The following AK5 variants were observed in gnomAD, a reference collection of about 807,000 sequenced individuals.
The protein encoded by AK5 is adenylate kinase 5.
Under a neutral mutation model 69.5 loss-of-function variants are expected in AK5, and 27 were observed. The ratio of observed to expected loss-of-function variants is 0.39; its 90% CI spans 0.29 to 0.54. AK5 has a LOEUF of 0.54. AK5 is among the 20% of genes least tolerant of loss of function. The pLI is 0.71. For synonymous variants in AK5, 260 were observed against 244.4 expected, an observed-to-expected ratio of 1.06 and a Z score of -0.60; for missense variants, 531 against 700.4, an observed-to-expected ratio of 0.76 and a Z score of 2.73.
chr1:77,299,947 T>G (rs571534381), intron 5 of AK5, among the ~76,000 whole-genome samples: 18 of 152,296 alleles, frequency 1.2e-4, no homozygotes, highest in Admixed American at 6.5e-4. Flanking sequence ...TTAAAAAACA[T>G]TAACAAAATA....
At chr1:77,538,092 C>T (rs949911786) in intron 13 of AK5, among the ~76,000 whole-genome samples, 3 of 152,144 alleles carry the variant, frequency 2.0e-5, no homozygotes, top group Non-Finnish European at 2.9e-5. Flanking sequence ...TATCCCAGTT[C>T]TTTGGGAGGC....
intron 6 of AK5, among the ~76,000 whole-genome samples, chr1:77,363,911 A>G (rs1201776939): frequency 6.6e-6 from 1 of 151,994 alleles, no homozygotes; most frequent in African/African-American, 2.4e-5. Flanking sequence ...CATTTCATTT[A>G]TGTTATTCTT....
In AK5 at chr1:77,297,674, T is replaced by C. The variant is rs1175024831; in HGVS notation, c.531T>C (p.Asn177=). The C allele has an allele frequency of 2.5e-5, 40 of 1,613,826 alleles. No individual in the cohort carries two copies. The highest frequency in any genetic ancestry group is 3.3e-5 in the Non-Finnish European group (39 of 1,179,954). Reference sequence around the variant, plus strand: ...AGAAGATCCACAGTACCAGCAGCAATAGGAAATGGAGTCTTATTGCCAAGA... The same window carrying C: ...AGAAGATCCACAGTACCAGCAGCAACAGGAAATGGAGTCTTATTGCCAAGA... ...LRKKIHSTSS[N]RKWSLIAKII... is the part of the protein sequence containing the mutation. Residue 177 remains asparagine, a synonymous_variant, in exon 4 of 14, where the codon AAT becomes AAC. Coordinates refer to ENST00000354567, the MANE Select transcript of AK5 (RefSeq NM_174858.3).
Position 77,302,215 on chromosome 1 carries a change from TAA to T in AK5, c.699+4277_699+4278del, listed in dbSNP as rs11305805. ...CAACTGGCTGAGACCTATTTTAAGTTAAAAAAAAAATGCCTTTTTTTGGCTAG... is the reference window on the plus strand; with the variant it reads ...CAACTGGCTGAGACCTATTTTAAGTTAAAAAAAATGCCTTTTTTTGGCTAG... On this transcript the variant is annotated intron_variant, in intron 5 of 13. Transcript: ENST00000354567. 1.5e-3 allele frequency among the ~76,000 whole-genome samples: 229 copies of T among 151,258 alleles called. 2 individuals carry two copies. In the South Asian group the frequency reaches 0.019, roughly 12 times the overall value.
intron 6 of AK5, among the ~76,000 whole-genome samples, chr1:77,395,963 A>T (rs1177617084): frequency 6.6e-6 from 1 of 152,194 alleles, no homozygotes; most frequent in Non-Finnish European, 1.5e-5. Flanking sequence ...ACTCAACAGG[A>T]TCAACATTAG....
rs1178618571 is a variant in AK5, at chr1:77,497,493, A to G, written c.1147+11141A>G. Among the ~76,000 whole-genome samples, 7 of 152,228 alleles carry G rather than the reference A, an allele frequency of 4.6e-5. No homozygotes were observed. The East Asian group carries it at 1.3e-3, about 29-fold the overall frequency. ...TTCATTCTTGAAGTCAGTGAGACCA[A>G]GAACCCACTGGAAGGAACCAATTCC... On this transcript the variant is annotated intron_variant, in intron 10 of 13. Transcript: ENST00000354567.
intron 6 of AK5, among the ~76,000 whole-genome samples, chr1:77,391,555 A>G (rs1401029765): frequency 2.1e-5 from 3 of 143,242 alleles, no homozygotes; most frequent in Non-Finnish European, 4.5e-5. Flanking sequence ...TGCAGTATCT[A>G]TCCATCCCAA....
intron 13 of AK5, among the ~76,000 whole-genome samples, chr1:77,550,811 A>G (rs1659786074): frequency 6.6e-6 from 1 of 152,230 alleles, no homozygotes; most frequent in Non-Finnish European, 1.5e-5. Context: ...GTAGAATGAA[A>G]GGAGAAATTT....
intron 10 of AK5, among the ~76,000 whole-genome samples, chr1:77,504,424 T>C (rs1469537456): frequency 1.7e-5 from 2 of 118,110 alleles, no homozygotes; most frequent in African/African-American, 6.1e-5. Flanking sequence ...TCTTAGTTTT[T>C]TTCTGTGTAT....
At chr1:77,312,201 T>C (rs1659996537) in intron 5 of AK5, among the ~76,000 whole-genome samples, 1 of 152,134 alleles carries the variant, frequency 6.6e-6, no homozygotes, top group South Asian at 2.1e-4. Flanking sequence ...CAATCCCGTC[T>C]CTAAATTAGC....
intron 5 of AK5, chr1:77,313,822 C>G (rs1287313254): frequency 1.3e-5 from 7 of 533,004 alleles, no homozygotes; most frequent in Non-Finnish European, 1.5e-5. Flanking sequence ...GACAAAGATG[C>G]CTGTGCAGTC....
At chr1:77,379,715 A>G (rs1401796209) in intron 6 of AK5, among the ~76,000 whole-genome samples, 1 of 152,238 alleles carries the variant, frequency 6.6e-6, no homozygotes, top group Non-Finnish European at 1.5e-5. Flanking sequence ...TGAAAGTAAA[A>G]TAAATGTAAG....
rs894578548 is a variant in AK5, at chr1:77,353,057, TA to T, written c.891+12497del. Among the ~76,000 whole-genome samples, 308 of 152,146 alleles carry T rather than the reference TA, an allele frequency of 2.0e-3. 4 individuals carry two copies. Among genetic ancestry groups the T allele is most frequent in the Non-Finnish European group, 1.8e-3 (119 of 68,000 alleles). The stretch of plus-strand genomic sequence containing the variant: ...ACCTTTACATACTTAATTATTTTTT[TA>T]AAAAAAATAAGAAATTTGTTTCTAA... On this transcript the variant is annotated intron_variant, in intron 6 of 13. Coordinates refer to ENST00000354567, the MANE Select transcript of AK5 (RefSeq NM_174858.3).
chr1:77,348,508 A>AT (rs201263129), intron 6 of AK5, among the ~76,000 whole-genome samples: 3,104 of 147,854 alleles, frequency 0.021, 106 homozygotes, highest in African/African-American at 0.072. Flanking sequence ...TTAAAGTATA[A>AT]TAAAAAAAAA....
At chr1:77,494,207 C>T (rs921653887) in intron 10 of AK5, among the ~76,000 whole-genome samples, 6 of 152,246 alleles carry the variant, frequency 3.9e-5, no homozygotes, top group Non-Finnish European at 8.8e-5. Flanking sequence ...TATTAATTCA[C>T]CAGCTGAGTC....
chr1:77,551,386 C>G (rs1230283717), intron 13 of AK5, among the ~76,000 whole-genome samples: 1 of 152,094 alleles, frequency 6.6e-6, no homozygotes. Flanking sequence ...TCTAGAAAGC[C>G]TTATCATTTG....
intron 13 of AK5, among the ~76,000 whole-genome samples, chr1:77,540,938 G>A (rs897209164): frequency 1.5e-4 from 23 of 151,352 alleles, no homozygotes; most frequent in Admixed American, 9.2e-4. Context: ...ATGGAGTCTC[G>A]CTCTGTCACC....
At chr1:77,554,071 A>G (rs754273332) in intron 13 of AK5, among the ~76,000 whole-genome samples, 80 of 152,344 alleles carry the variant, frequency 5.3e-4, no homozygotes, top group Admixed American at 9.2e-4. Context: ...ATATTGTGTG[A>G]TTTCATTGAT....
chr1:77,425,791 T>C (rs553386729), intron 8 of AK5, among the ~76,000 whole-genome samples: 1 of 152,262 alleles, frequency 6.6e-6, no homozygotes, highest in African/African-American at 2.4e-5. Flanking sequence ...CATGTTTATG[T>C]GTAAGTGAAA....
Sources: gnomAD v4.1 joint callset for allele counts (sites outside exome capture counted in the v4.1 genomes callset) on GRCh38, gnomAD v4.1.1 for gene constraint, MANE v1.5 for transcripts, NCBI Gene and HGNC (gene_info 2026-07-23, HGNC 2026-07-21) for gene names.